SOX13: variants seen among roughly 807,000 people sequenced by gnomAD.
SOX13 encodes SRY-box transcription factor 13.
Under a neutral mutation model 71.8 loss-of-function variants are expected in SOX13, and 28 were observed. The ratio of observed to expected loss-of-function variants is 0.39; its 90% CI spans 0.29 to 0.53. The LOEUF (loss-of-function observed/expected upper bound fraction) is 0.53. SOX13 is among the 20% of genes least tolerant of loss of function. The pLI is 0.70. For missense variants in SOX13, 627 were observed against 810.3 expected (o/e 0.77, Z 2.75); for synonymous variants, 309 against 317.8 (o/e 0.97, Z 0.29).
intron 1 of SOX13, among the ~76,000 whole-genome samples, chr1:204,102,279 C>T (rs1656375729): frequency 6.6e-6 from 1 of 152,220 alleles, no homozygotes; most frequent in African/African-American, 2.4e-5. Context: ...TTTCCGCTGT[C>T]TGTAGTCATC....
At chr1:204,078,535 C>T (rs928456029) in intron 1 of SOX13, among the ~76,000 whole-genome samples, 1 of 152,158 alleles carries the variant, frequency 6.6e-6, no homozygotes, top group Non-Finnish European at 1.5e-5. Context: ...TTTTTGTGCC[C>T]AGTGTTTGCT....
Position 204,125,914 on chromosome 1 carries a change from C to G in SOX13, c.1649C>G (p.Ala550Gly). The change falls in exon 14 of 14, where the codon GCA becomes GGA. Residue 550 changes from alanine to glycine, a missense_variant. This residue lies in a region of SOX13 where 148 missense variants were observed against 192.7 expected (regional missense o/e 0.77). Transcript: ENST00000367204. ...SSSDVLYPRA[A>G]GMPLAQPLVE... ...TCAGATGTCCTGTACCCTCGGGCAG[C>G]AGGCATGCCGCTGGCACAGCCACTG... The G allele has an allele frequency of 6.2e-7, 1 of 1,613,332 alleles. No individual in the cohort carries two copies. Among genetic ancestry groups the G allele is most frequent in the East Asian group, 2.2e-5 (1 of 44,862 alleles).
chr1:204,122,455 G>C, intron 9 of SOX13, 56 bp downstream of exon 9: 1 of 1,434,102 alleles, frequency 7.0e-7, no homozygotes, highest in South Asian at 1.2e-5. Context: ...AGAGCCGGCG[G>C]CATGATGCGA....
chr1:204,093,193 A>G lies in SOX13; in HGVS notation c.-2+19482A>G, dbSNP rs534241086. On this transcript the variant is annotated intron_variant, in intron 1 of 13. Transcript: ENST00000367204. ...GGGAGCAGCCTAGAGAAGGAAAGAA[A>G]CTGTTTCTCGAATGCTAGCTGTAGG... is the stretch of plus-strand genomic sequence containing the variant. 2.6e-5 allele frequency among the ~76,000 whole-genome samples: 4 copies of G among 152,248 alleles called. No individual in the cohort carries two copies. In the East Asian group the frequency reaches 7.7e-4, roughly 29 times the overall value.
intron 1 of SOX13, among the ~76,000 whole-genome samples, chr1:204,093,822 A>T (rs1656195129): frequency 6.6e-6 from 1 of 152,214 alleles, no homozygotes. Flanking sequence ...GTGATCACTC[A>T]GTAAATAGGC....
In SOX13 at chr1:204,126,148, G is replaced by A. The variant is rs764976662; in HGVS notation, c.*14G>A. ...CTCACAGACTGATCCCGGCTGGGTG[G>A]GCCTGGCCCCTTCTCCTCTGGGGAA... On this transcript the variant is annotated 3_prime_UTR_variant, in exon 14 of 14. Transcript: ENST00000367204. The A allele has an allele frequency of 3.1e-6, 5 of 1,610,128 alleles. No individual in the cohort carries two copies. The highest frequency in any genetic ancestry group is 4.2e-6 in the Non-Finnish European group (5 of 1,177,002).
chr1:204,076,548 G>A (rs1330150956), intron 1 of SOX13, among the ~76,000 whole-genome samples: 1 of 152,170 alleles, frequency 6.6e-6, no homozygotes, highest in East Asian at 1.9e-4. Context: ...ATTTGGGTTT[G>A]TCACAAGTTC....
rs1015847544 is a variant in SOX13 at position 204,121,973 on chromosome 1, C to T, written c.849C>T (p.His283=). The stretch of plus-strand genomic sequence containing the variant: ...AGAGGCCTGGGGCCATGGCCACCCA[C>T]CACCCCCTGCAGGTACCGCCCTCTA... ...VVKRPGAMAT[H]HPLQEPSQPL... Residue 283 remains histidine, a synonymous_variant, in exon 8 of 14, where the codon CAC becomes CAT. Transcript: ENST00000367204. 6.2e-7 allele frequency: 1 copy of T among 1,605,710 alleles called. No individual in the cohort carries two copies. Among genetic ancestry groups the T allele is most frequent in the Admixed American group, 1.7e-5 (1 of 59,926 alleles).
intron 1 of SOX13, among the ~76,000 whole-genome samples, chr1:204,096,805 C>T (rs1656261492): frequency 6.6e-6 from 1 of 152,170 alleles, no homozygotes; most frequent in Non-Finnish European, 1.5e-5. Flanking sequence ...TTTCATTTTA[C>T]ATTCCCATCA....
rs1383780215 is a variant in SOX13 at position 204,126,243 on chromosome 1, C to G, written c.*109C>G. ...ATGTTGGTACTTGGACTTGTTCGTGCCCCAGAGATGGGCAAAGCTGTGCAC... is the reference window on the plus strand; with the variant it reads ...ATGTTGGTACTTGGACTTGTTCGTGGCCCAGAGATGGGCAAAGCTGTGCAC... On this transcript the variant is annotated 3_prime_UTR_variant, in exon 14 of 14. Transcript: ENST00000367204. The G allele has an allele frequency of 4.9e-6, 6 of 1,215,082 alleles. No individual in the cohort carries two copies. The African/African-American group carries it at 8.9e-5, about 18-fold the overall frequency. 75.3% of individuals were successfully genotyped at this position (1,215,082 alleles called of 1,614,324 possible).
At position 204,123,957 on chromosome 1, in the gene SOX13, C is replaced by T. The variant is rs1370096464; in HGVS notation, c.1375+153C>T. Among the ~76,000 whole-genome samples, 5 of 152,170 alleles carry T rather than the reference C, an allele frequency of 3.3e-5. No homozygotes were observed. The highest frequency in any genetic ancestry group is 3.3e-4 in the Admixed American group (5 of 15,268). On this transcript the variant is annotated intron_variant, in intron 12 of 13. Coordinates refer to ENST00000367204, the MANE Select transcript of SOX13 (RefSeq NM_005686.3). This position sits in a 1 kb window ranked among gnomAD's most constrained non-coding sequence, Gnocchi z 5.0. ...GCAGGAGTTGCTGGGGATGTGAGGG[C>T]AGCTGGGTCCTGGGGTCTTATATCA... is the stretch of plus-strand genomic sequence containing the variant.
intron 1 of SOX13, among the ~76,000 whole-genome samples, chr1:204,080,861 C>A (rs1460200876): frequency 6.6e-6 from 1 of 151,094 alleles, no homozygotes; most frequent in African/African-American, 2.4e-5. Context: ...AGAGCAGCTC[C>A]AACTCCAGCT....
At chr1:204,082,070 G>T (rs376922353) in intron 1 of SOX13, among the ~76,000 whole-genome samples, 6 of 151,722 alleles carry the variant, frequency 4.0e-5, no homozygotes, top group African/African-American at 1.5e-4. Flanking sequence ...GCTGGTGGTG[G>T]GGTGTGTGTG....
At chr1:204,083,369 G>A (rs577407401) in intron 1 of SOX13, among the ~76,000 whole-genome samples, 1 of 152,238 alleles carries the variant, frequency 6.6e-6, no homozygotes, top group South Asian at 2.1e-4. Context: ...GGGAAGAGAG[G>A]AAGTTTCTGC....
intron 1 of SOX13, among the ~76,000 whole-genome samples, chr1:204,092,499 C>G (rs1656168700): frequency 6.6e-6 from 1 of 152,078 alleles, no homozygotes; most frequent in African/African-American, 2.4e-5. Flanking sequence ...TTTCTTAAAC[C>G]CTAGTTTTCT....
Position 204,081,835 on chromosome 1 carries a change from G to A in SOX13, c.-2+8124G>A, listed in dbSNP as rs1439045839. 2.7e-5 allele frequency among the ~76,000 whole-genome samples: 4 copies of A among 147,058 alleles called. No individual in the cohort carries two copies. The highest frequency in any genetic ancestry group is 2.7e-4 in the Admixed American group (4 of 14,784). On this transcript the variant is annotated intron_variant, in intron 1 of 13. Transcript: ENST00000367204. The surrounding 1 kb of genome is among the most constrained non-coding windows in gnomAD (Gnocchi z 4.3). ...GAAGTCACTCAACCATCCTTGTGAG[G>A]TTTTGGTTCTGGCCTGTTCCATGAG...
intron 1 of SOX13, among the ~76,000 whole-genome samples, chr1:204,088,799 C>G (rs1287646398): frequency 2.0e-5 from 3 of 152,152 alleles, no homozygotes; most frequent in East Asian, 3.9e-4. Context: ...CGTCAGGGAT[C>G]AGGACACCAT....
rs776685914 is a variant in SOX13 at position 204,117,645 on chromosome 1, C to CTCT, written c.714_716dup (p.Leu239dup). ...CCAGCCTTCCCCCCAAGCCACCAAC[C>CTCT]TCTGCCTGTCACCCCTGACTCCCAG... On this transcript the variant is annotated inframe_insertion, in exon 7 of 14. Transcript: ENST00000367204. The CTCT allele has an allele frequency of 1.2e-6, 2 of 1,613,832 alleles. No individual in the cohort carries two copies. Among genetic ancestry groups the CTCT allele is most frequent in the Non-Finnish European group, 1.7e-6 (2 of 1,179,844 alleles).
chr1:204,090,509 A>G (rs1181230859), intron 1 of SOX13, among the ~76,000 whole-genome samples: 1 of 151,386 alleles, frequency 6.6e-6, no homozygotes, highest in Non-Finnish European at 1.5e-5. Context: ...CCAGGGTTCA[A>G]GCGATTCTCC....
Sources: allele counts gnomAD v4.1 joint callset (sites outside exome capture counted in the v4.1 genomes callset), GRCh38; gene constraint gnomAD v4.1.1; regional missense constraint gnomAD v4.1.1; non-coding constraint Gnocchi (gnomAD v3.1); transcripts MANE v1.5; gene names NCBI Gene and HGNC (gene_info 2026-07-23, HGNC 2026-07-21).